The following LZTFL1 variants were observed in gnomAD, a reference collection of about 807,000 sequenced individuals.
LZTFL1 encodes leucine zipper transcription factor-like protein 1.
A neutral mutation model predicts 45.9 loss-of-function variants in LZTFL1; 25 were observed. That is an observed-to-expected ratio of 0.54 (90% CI 0.40 to 0.76). The LOEUF is 0.76. Ranked by LOEUF, LZTFL1 falls within the 30% of genes least tolerant of loss-of-function variation. The probability of loss-of-function intolerance (pLI) is 0.00; values close to 1 mark genes in which losing one functional copy is unlikely to be tolerated. For synonymous variants in LZTFL1, 93 were observed against 117.4 expected, an observed-to-expected ratio of 0.79 and a Z score of 1.35; for missense variants, 277 against 331.1, an observed-to-expected ratio of 0.84 and a Z score of 1.27.
chr3:45,873,082 A>G (rs1489659323), intron 2 of LZTFL1, among the ~76,000 whole-genome samples: 1 of 149,854 alleles, frequency 6.7e-6, no homozygotes, highest in Non-Finnish European at 1.5e-5. Context: ...CTAAACAAAG[A>G]TAAAATAAGA....
At position 45,850,848 on chromosome 3, in the gene LZTFL1, C is replaced by T. The variant is rs541471237; in HGVS notation, c.-49+4138G>A. The stretch of plus-strand genomic sequence containing the variant: ...CCCTCAATGAAGCTCTTGTTTCTTG[C>T]TCTGCTGCTCCCTCTTCTCCATCAA... On this transcript the variant is annotated intron_variant, in intron 4 of 4. Transcript: ENST00000472635. 3.3e-5 allele frequency among the ~76,000 whole-genome samples: 5 copies of T among 152,268 alleles called. No individual in the cohort carries two copies. In the South Asian group the frequency reaches 1.0e-3, roughly 32 times the overall value.
intron 1 of LZTFL1, among the ~76,000 whole-genome samples, chr3:45,913,601 A>G (rs1702842825): frequency 6.6e-6 from 1 of 152,208 alleles, no homozygotes; most frequent in Non-Finnish European, 1.5e-5. Context: ...AATATCTGCC[A>G]TTTCTACTGG....
intron 1 of LZTFL1, among the ~76,000 whole-genome samples, chr3:45,840,904 C>G (rs572885905): frequency 8.9e-4 from 136 of 152,340 alleles, no homozygotes; most frequent in African/African-American, 2.9e-3. Context: ...ACAGGTACTG[C>G]ACTGTTTACA....
intron 7 of LZTFL1, 140 bp downstream of exon 7, chr3:45,830,773 C>G (rs1700791554): frequency 2.8e-6 from 2 of 718,226 alleles, no homozygotes; most frequent in African/African-American, 1.8e-5. Flanking sequence ...GCAAGAATGT[C>G]CCAACACATG....
intron 3 of LZTFL1, 47 bp from the exon 4 acceptor site, chr3:45,834,345 T>G (rs1700910396): frequency 8.0e-7 from 1 of 1,252,804 alleles, no homozygotes; most frequent in Admixed American, 1.9e-5. Flanking sequence ...AAAATAGATT[T>G]ATATCACACG....
chr3:45,828,493 C>T lies in LZTFL1; in HGVS notation c.723G>A (p.Ala241=), dbSNP rs143138936. Residue 241 remains alanine (A), a synonymous_variant, in exon 8 of 10, where the codon GCG becomes GCA. Transcript: ENST00000296135. ...CCCTGAGTAGATCGTGCTTGGCTGT[C>T]GCCAGATTCTCCTCCAGTGACTTCT... ...ENQKSLEENL[A]TAKHDLLRVQ... is the part of the protein sequence containing the mutation. 5.6e-5 allele frequency: 91 copies of T among 1,614,036 alleles called. No individual in the cohort carries two copies. The highest frequency in any genetic ancestry group is 2.5e-4 in the African/African-American group (19 of 74,892).
intron 2 of LZTFL1, among the ~76,000 whole-genome samples, chr3:45,868,176 AAT>A (rs936475576): frequency 2.0e-5 from 2 of 98,560 alleles, no homozygotes; most frequent in Non-Finnish European, 4.4e-5. Flanking sequence ...GTATAATAAA[AAT>A]ATATATATAT....
exon 4 of LZTFL1, chr3:45,855,009 C>T: frequency 6.5e-7 from 1 of 1,534,954 alleles, no homozygotes; most frequent in Admixed American, 2.0e-5. Context: ...GGAACTTAGC[C>T]CAGCTTCTTG....
Position 45,825,280 on chromosome 3 carries a change from T to C in LZTFL1, c.*1034A>G, listed in dbSNP as rs148785417. 495 of 165,660 alleles carry C rather than the reference T, an allele frequency of 3.0e-3. 4 individuals are homozygous for C. Among genetic ancestry groups the C allele is most frequent in the African/African-American group, 0.011 (469 of 42,222 alleles). The allele number at this position is 165,660 out of a possible 1,614,324, so 10.3% of individuals were successfully genotyped here. A position where few individuals can be genotyped will look rare whatever the true frequency, so the allele number is the denominator to read the frequency against. On this transcript the variant is annotated 3_prime_UTR_variant, in exon 10 of 10. Coordinates refer to ENST00000296135, the MANE Select transcript of LZTFL1 (RefSeq NM_020347.4). ...TAAGGACTTTCCTTCTGAGGGATTA[T>C]TGCTTTATGGACTTGACTTTGTTTA... is the stretch of plus-strand genomic sequence containing the variant.
chr3:45,852,649 A>C (rs191675504), intron 4 of LZTFL1, among the ~76,000 whole-genome samples: 33 of 152,290 alleles, frequency 2.2e-4, no homozygotes, highest in Admixed American at 8.5e-4. Context: ...CTCACATCAA[A>C]ATGTGGGAAG....
chr3:45,887,664 C>T (rs1702023888), intron 2 of LZTFL1, among the ~76,000 whole-genome samples: 1 of 152,242 alleles, frequency 6.6e-6, no homozygotes, highest in Non-Finnish European at 1.5e-5. Context: ...TTTACTATTT[C>T]AGCATCTGGA....
At chr3:45,879,393 T>C (rs1701810985) in intron 2 of LZTFL1, among the ~76,000 whole-genome samples, 1 of 152,098 alleles carries the variant, frequency 6.6e-6, no homozygotes, top group South Asian at 2.1e-4. Context: ...TATCAGTAAG[T>C]GAGAGAAGCC....
chr3:45,834,590 A>G (rs1700915731), intron 3 of LZTFL1: 1 of 242,556 alleles, frequency 4.1e-6, no homozygotes. Context: ...TTTATAGTCA[A>G]CTTTGTATTC....
At chr3:45,840,326 C>G (rs1318896843) in intron 1 of LZTFL1, among the ~76,000 whole-genome samples, 3 of 152,136 alleles carry the variant, frequency 2.0e-5, no homozygotes, top group African/African-American at 4.8e-5. Context: ...CCTTTACTTC[C>G]ACACATATAC....
chr3:45,912,067 C>T (rs1182088683), intron 2 of LZTFL1, among the ~76,000 whole-genome samples: 1 of 152,254 alleles, frequency 6.6e-6, no homozygotes, highest in South Asian at 2.1e-4. Context: ...GGAAATGTCG[C>T]ATGGGTGTGA....
At chr3:45,834,368 A>C in intron 3 of LZTFL1, 70 bp from the exon 4 acceptor site, 6 of 992,348 alleles carry the variant, frequency 6.0e-6, no homozygotes, top group Non-Finnish European at 7.7e-6. Flanking sequence ...AGAAGAGTAA[A>C]ATCACTGGTA....
In LZTFL1 at chr3:45,889,833, A is replaced by G. The variant is rs1214315901; in HGVS notation, c.-215+23287T>C. Among the ~76,000 whole-genome samples, 4 of 151,918 alleles carry G rather than the reference A, an allele frequency of 2.6e-5. No homozygotes were observed. In the South Asian group the frequency reaches 8.3e-4, roughly 32 times the overall value. On this transcript the variant is annotated intron_variant, in intron 2 of 4. Coordinates refer to the LZTFL1 transcript ENST00000472635. ...GTTTATTGGATTGATGTGTCATAAT[A>G]TTACCAATTGCTGAATATTTAAGTT...
chr3:45,901,555 C>T lies in LZTFL1; in HGVS notation c.-215+11565G>A, dbSNP rs149823113. ...TCCAAGCACAAAGCCCTAAAAGTGA[C>T]CATCACTGTCCTGACCGTCTTTGTC... On this transcript the variant is annotated intron_variant, in intron 2 of 4. Coordinates refer to the LZTFL1 transcript ENST00000472635. The surrounding 1 kb of genome is among the most constrained non-coding windows in gnomAD (Gnocchi z 4.3). 1.1e-4 allele frequency: 177 copies of T among 1,614,190 alleles called. 3 individuals are homozygous for T. In the East Asian group the frequency reaches 3.5e-3, roughly 32 times the overall value.
At position 45,901,256 on chromosome 3, in the gene LZTFL1, T is replaced by C. The variant is rs1702545972; in HGVS notation, c.-215+11864A>G. The C allele has an allele frequency of 6.2e-7, 1 of 1,614,214 alleles. No individual in the cohort carries two copies. The highest frequency in any genetic ancestry group is 8.5e-7 in the Non-Finnish European group (1 of 1,180,046). ...TTGCCCAGGCCATGAGAGCACATAC[T>C]TGGAGGGAGAAAAGGCTTTTGTACA... On this transcript the variant is annotated intron_variant, in intron 2 of 4. Coordinates refer to the LZTFL1 transcript ENST00000472635. This position sits in a 1 kb window ranked among gnomAD's most constrained non-coding sequence, Gnocchi z 4.3.
Sources: allele counts gnomAD v4.1 joint callset (sites outside exome capture counted in the v4.1 genomes callset), GRCh38; gene constraint gnomAD v4.1.1; non-coding constraint Gnocchi (gnomAD v3.1); transcripts MANE v1.5; gene names NCBI Gene and HGNC (gene_info 2026-07-23, HGNC 2026-07-21).